Variants in TENM2 observed in about 807,000 individuals in gnomAD.
TENM2 encodes teneurin-2.
A neutral mutation model predicts 245.2 loss-of-function variants in TENM2; 52 were observed. The observed-to-expected ratio is 0.21, with a 90% CI of 0.17 to 0.27. TENM2 has a LOEUF of 0.27. Among genes scored for constraint, TENM2 ranks in the 10% least tolerant of loss-of-function variants. The pLI is 1.00. For synonymous variants in TENM2, 1,363 were observed against 1,438.9 expected (o/e 0.95, Z 1.19); for missense variants, 3,046 against 3,666.8 (o/e 0.83, Z 4.37).
At chr5:167,447,112 G>A (rs990520888) in intron 2 of TENM2, among the ~76,000 whole-genome samples, 2 of 152,144 alleles carry the variant, frequency 1.3e-5, no homozygotes, top group Non-Finnish European at 2.9e-5. Context: ...ATGACTGAGT[G>A]TGTGGAATTT....
At chr5:167,053,329 G>T in the TENM2 span, among the ~76,000 whole-genome samples, 1 of 152,012 alleles carries the variant, frequency 6.6e-6, no homozygotes, top group African/African-American at 2.4e-5. Flanking sequence ...TAAGTTCCTT[G>T]TCAGAAGCAC....
At chr5:167,103,561 A>G in the TENM2 span, among the ~76,000 whole-genome samples, 1 of 152,192 alleles carries the variant, frequency 6.6e-6, no homozygotes, top group Admixed American at 6.6e-5. Context: ...GAATCCTGGC[A>G]TTCTGCCTAT....
chr5:167,454,490 GTGTA>G (rs1582093273), intron 2 of TENM2, among the ~76,000 whole-genome samples: 3 of 151,838 alleles, frequency 2.0e-5, no homozygotes, highest in Admixed American at 2.0e-4. Flanking sequence ...GTGCACACGT[GTGTA>G]TGTGTCTGTA....
chr5:167,886,322 T>G (rs1774285275), intron 3 of TENM2, among the ~76,000 whole-genome samples: 1 of 152,178 alleles, frequency 6.6e-6, no homozygotes, highest in African/African-American at 2.4e-5. Flanking sequence ...AATATATATA[T>G]TCAAGAAATA....
At chr5:167,161,403 C>T in the TENM2 span, among the ~76,000 whole-genome samples, 4 of 152,024 alleles carry the variant, frequency 2.6e-5, no homozygotes, top group African/African-American at 7.3e-5. Context: ...TGCTTTCTTC[C>T]CCGTTCTTCA....
At chr5:167,870,601 GTATATATGTA>G (rs1247165891) in intron 2 of TENM2, among the ~76,000 whole-genome samples, 18 of 142,986 alleles carry the variant, frequency 1.3e-4, no homozygotes, top group African/African-American at 3.4e-4. Flanking sequence ...ATATATATGT[GTATATATGTA>G]TATATATGTA....
chr5:167,006,663 TC>T, the TENM2 span, among the ~76,000 whole-genome samples: 6 of 152,082 alleles, frequency 3.9e-5, no homozygotes, highest in Admixed American at 2.6e-4. Context: ...CTTTTTTTTT[TC>T]TTTTTTCTTT....
At chr5:168,077,119 G>A (rs1791547533) in intron 7 of TENM2, among the ~76,000 whole-genome samples, 1 of 152,156 alleles carries the variant, frequency 6.6e-6, no homozygotes, top group Admixed American at 6.5e-5. Flanking sequence ...TTATGAGCAT[G>A]AATCACTTAG....
chr5:167,841,043 G>A (rs972368887), intron 2 of TENM2, among the ~76,000 whole-genome samples: 10 of 144,308 alleles, frequency 6.9e-5, no homozygotes, highest in African/African-American at 2.3e-4. Context: ...TCATTTTTAT[G>A]TAAAAATTGT....
chr5:167,443,526 T>C (rs1388302489), intron 2 of TENM2, among the ~76,000 whole-genome samples: 1 of 151,910 alleles, frequency 6.6e-6, no homozygotes, highest in Non-Finnish European at 1.5e-5. Flanking sequence ...ATTTGAAAGT[T>C]TGATTGTTAA....
At chr5:167,736,686 GAA>G (rs57992345) in intron 2 of TENM2, among the ~76,000 whole-genome samples, 22 of 127,536 alleles carry the variant, frequency 1.7e-4, no homozygotes, top group African/African-American at 4.9e-4. Flanking sequence ...CCTGGCTCAG[GAA>G]AAAAAAAAAA....
intron 2 of TENM2, among the ~76,000 whole-genome samples, chr5:167,856,848 G>A (rs1445819208): frequency 6.6e-6 from 1 of 152,130 alleles, no homozygotes; most frequent in Non-Finnish European, 1.5e-5. Flanking sequence ...ATAATTTCTG[G>A]GATGAGGAGC....
At chr5:168,164,199 G>A (rs1268832798) in intron 13 of TENM2, among the ~76,000 whole-genome samples, 1 of 152,214 alleles carries the variant, frequency 6.6e-6, no homozygotes, top group East Asian at 1.9e-4. Flanking sequence ...TGCCTGTTCA[G>A]CTGGTGGTGA....
chr5:166,991,515 G>A, the TENM2 span, among the ~76,000 whole-genome samples: 7 of 152,084 alleles, frequency 4.6e-5, no homozygotes, highest in Non-Finnish European at 7.4e-5. Flanking sequence ...TGTGATGTGA[G>A]AGAATACGTA....
the TENM2 span, among the ~76,000 whole-genome samples, chr5:167,111,716 C>T: frequency 6.6e-6 from 1 of 152,208 alleles, no homozygotes; most frequent in Non-Finnish European, 1.5e-5. Flanking sequence ...AAAACACAGA[C>T]ATTCTGAATA....
chr5:167,660,682 T>A (rs1454773331), intron 2 of TENM2, among the ~76,000 whole-genome samples: 1 of 152,090 alleles, frequency 6.6e-6, no homozygotes, highest in African/African-American at 2.4e-5. Flanking sequence ...TTATCATTTT[T>A]TAAAGTCTAA....
At chr5:167,600,897 T>G (rs546826188) in intron 2 of TENM2, among the ~76,000 whole-genome samples, 16 of 152,360 alleles carry the variant, frequency 1.1e-4, no homozygotes, top group Non-Finnish European at 1.8e-4. Context: ...AAACGGCATT[T>G]TGTCTCTTTT....
chr5:167,270,605 T>C, the TENM2 span, among the ~76,000 whole-genome samples: 1 of 152,132 alleles, frequency 6.6e-6, no homozygotes, highest in Non-Finnish European at 1.5e-5. Flanking sequence ...GATGGTGCCC[T>C]TACCCTTGAT....
At chr5:167,794,748 G>A (rs924921454) in intron 2 of TENM2, among the ~76,000 whole-genome samples, 5 of 152,210 alleles carry the variant, frequency 3.3e-5, no homozygotes, top group African/African-American at 4.8e-5. Context: ...TTGGTGCAGG[G>A]AAGGGACATT....
Sources: gnomAD v4.1 joint callset for allele counts (sites outside exome capture counted in the v4.1 genomes callset) on GRCh38, gnomAD v4.1.1 for gene constraint, MANE v1.5 for transcripts, NCBI Gene and HGNC (gene_info 2026-07-23, HGNC 2026-07-21) for gene names.